The following COL5A1 variants were observed in gnomAD, a reference collection of about 807,000 sequenced individuals.
COL5A1 encodes collagen type V alpha 1 chain, also known as collagen alpha-1(V) chain.
COL5A1 carries 16 observed loss-of-function variants against 263.7 expected under a neutral mutation model. The ratio of observed to expected loss-of-function variants is 0.06; its 90% confidence interval spans 0.04 to 0.09. COL5A1 has a LOEUF of 0.09. COL5A1 is among the 10% of genes least tolerant of loss of function. The probability of loss-of-function intolerance (pLI) is 1.00; values close to 1 mark genes in which losing one functional copy is unlikely to be tolerated. For synonymous variants in COL5A1, 1,012 were observed against 1,004.5 expected, an observed-to-expected ratio of 1.01 and a Z score of -0.14; for missense variants, 2,036 against 2,540.5, an observed-to-expected ratio of 0.80 and a Z score of 4.27.
intron 63 of COL5A1, among the ~76,000 whole-genome samples, chr9:134,826,930 C>G (rs1020443292): frequency 1.3e-5 from 2 of 152,140 alleles, no homozygotes; most frequent in Non-Finnish European, 2.9e-5. Context: ...TGCTATCCCT[C>G]AAGCATGCAC....
chr9:134,736,533 C>T (rs1168160974), intron 9 of COL5A1, among the ~76,000 whole-genome samples: 1 of 152,230 alleles, frequency 6.6e-6, no homozygotes, highest in African/African-American at 2.4e-5. Flanking sequence ...AACACGGTTG[C>T]ATTGAGGATT....
chr9:134,802,120 G>A (rs1838137069), intron 38 of COL5A1, 113 bp downstream of exon 38: 1 of 1,060,238 alleles, frequency 9.4e-7, no homozygotes, highest in Non-Finnish European at 1.5e-6. Flanking sequence ...TGCAGGTACT[G>A]CTGAGAGGTT....
At position 134,765,152 on chromosome 9, in the gene COL5A1, A is replaced by G. The variant is rs1011732690; in HGVS notation, c.2035-529A>G. The stretch of plus-strand genomic sequence containing the variant: ...GCGTCCTGGAAAAGATCTGTACCCC[A>G]CGCCTCCTTCTGCACATTCAGTCTT... On this transcript the variant is annotated intron_variant, in intron 20 of 65. Transcript: ENST00000371817. This position sits in a 1 kb window ranked among gnomAD's most constrained non-coding sequence, Gnocchi z 5.1. Among the ~76,000 whole-genome samples, 3 of 152,098 alleles carry G rather than the reference A, an allele frequency of 2.0e-5. No individual in the cohort carries two copies. The highest frequency in any genetic ancestry group is 7.2e-5 in the African/African-American group (3 of 41,412).
chr9:134,816,530 G>A (rs945302584), intron 52 of COL5A1, among the ~76,000 whole-genome samples: 9 of 152,254 alleles, frequency 5.9e-5, no homozygotes, highest in Admixed American at 5.9e-4. Flanking sequence ...CACCCAGCCT[G>A]GCCAAGCGCG....
chr9:134,726,994 C>T (rs557008170), intron 4 of COL5A1, among the ~76,000 whole-genome samples: 3 of 126,892 alleles, frequency 2.4e-5, no homozygotes, highest in South Asian at 2.7e-4. Context: ...AATGGATGAA[C>T]GAATGAGTGG....
At chr9:134,759,471 A>C (rs1256419082) in intron 18 of COL5A1, among the ~76,000 whole-genome samples, 6 of 110,308 alleles carry the variant, frequency 5.4e-5, no homozygotes, top group African/African-American at 2.8e-4. Context: ...ATGCACGCAC[A>C]CACACCCACA....
intron 31 of COL5A1, among the ~76,000 whole-genome samples, chr9:134,788,028 A>G (rs747698739): frequency 1.3e-5 from 2 of 151,958 alleles, no homozygotes; most frequent in Admixed American, 6.6e-5. Context: ...CAGATGGATG[A>G]ATGGGTAGGT....
intron 1 of COL5A1, among the ~76,000 whole-genome samples, chr9:134,657,705 C>T (rs1303767591): frequency 6.6e-6 from 1 of 150,928 alleles, no homozygotes; most frequent in Non-Finnish European, 1.5e-5. Flanking sequence ...TATTCAGTTC[C>T]CAGGAGCTTC....
At chr9:134,816,978 T>A (rs1186852498) in intron 52 of COL5A1, 48 bp from the exon 53 acceptor site, 1 of 1,552,676 alleles carries the variant, frequency 6.4e-7, no homozygotes, top group South Asian at 1.1e-5. Flanking sequence ...CTCAATTGAG[T>A]CTAACGGGCC....
At chr9:134,796,257 T>C in intron 34 of COL5A1, 117 bp from the exon 35 acceptor site, 1 of 1,148,230 alleles carries the variant, frequency 8.7e-7, no homozygotes, top group Admixed American at 1.7e-5. Flanking sequence ...AGGGCCACCT[T>C]CAGGGGTGCA....
chr9:134,650,385 A>C (rs573768141), intron 1 of COL5A1, among the ~76,000 whole-genome samples: 1 of 152,186 alleles, frequency 6.6e-6, no homozygotes, highest in East Asian at 1.9e-4. Flanking sequence ...GTACAGAGGG[A>C]ACAGATGGGG....
At chr9:134,730,903 G>A (rs376850026) in intron 7 of COL5A1, among the ~76,000 whole-genome samples, 1 of 152,336 alleles carries the variant, frequency 6.6e-6, no homozygotes, top group African/African-American at 2.4e-5. Context: ...AGCTGGGGCC[G>A]CCCTGGCTGG....
rs966632671 is a variant in COL5A1, at chr9:134,652,183, C to A, written c.109+9887C>A. ...GCTTTCTAGGTAATTATTATTCATG[C>A]TATTTAGGGTCATAGGTCTCAGTAA... is the stretch of plus-strand genomic sequence containing the variant. On this transcript the variant is annotated intron_variant, in intron 1 of 65. Transcript: ENST00000371817. This position sits in a 1 kb window ranked among gnomAD's most constrained non-coding sequence, Gnocchi z 4.4. 1.3e-5 allele frequency among the ~76,000 whole-genome samples: 2 copies of A among 152,140 alleles called. No individual in the cohort carries two copies. The highest frequency in any genetic ancestry group is 4.8e-5 in the African/African-American group (2 of 41,426).
intron 62 of COL5A1, 143 bp downstream of exon 62, chr9:134,824,998 G>A (rs1012372495): frequency 8.4e-6 from 10 of 1,193,726 alleles, no homozygotes; most frequent in Admixed American, 2.7e-5. Flanking sequence ...TGGGGCCGGG[G>A]TGCGCAAGAG....
chr9:134,842,532 C>T lies in COL5A1; in HGVS notation c.*229C>T. ...CTGAATCACATGACCTAGCTGCACC[C>T]CAGCGCCTGGGCCCGCCCCACGCTC... On this transcript the variant is annotated 3_prime_UTR_variant, in exon 66 of 66. Coordinates refer to ENST00000371817, the MANE Select transcript of COL5A1 (RefSeq NM_000093.5). This position sits in a 1 kb window ranked among gnomAD's most constrained non-coding sequence, Gnocchi z 5.8. 1 of 613,808 alleles carries T rather than the reference C, an allele frequency of 1.6e-6. No individual in the cohort carries two copies. Among genetic ancestry groups the T allele is most frequent in the Non-Finnish European group, 2.9e-6 (1 of 347,342 alleles). The allele number at this position is 613,808 out of a possible 1,614,324, so 38.0% of individuals were successfully genotyped here.
chr9:134,789,214 G>A lies in COL5A1; in HGVS notation c.2700+6G>A. On this transcript the variant is annotated splice_donor_region_variant and intron_variant, in intron 32 of 65. Coordinates refer to ENST00000371817, the MANE Select transcript of COL5A1 (RefSeq NM_000093.5). The surrounding 1 kb of genome is among the most constrained non-coding windows in gnomAD (Gnocchi z 4.8). Reference sequence around the variant, plus strand: ...ATGGAGAGAAGGGCGGCAGGGTAAGGATAGCCTGGCCCCTGGGCAGGCAGC... The same window carrying A: ...ATGGAGAGAAGGGCGGCAGGGTAAGAATAGCCTGGCCCCTGGGCAGGCAGC... The A allele has an allele frequency of 1.2e-6, 2 of 1,612,334 alleles. No individual in the cohort carries two copies. The highest frequency in any genetic ancestry group is 2.2e-5 in the East Asian group (1 of 44,874).
At chr9:134,709,957 G>C (rs1420782270) in intron 4 of COL5A1, among the ~76,000 whole-genome samples, 1 of 152,176 alleles carries the variant, frequency 6.6e-6, no homozygotes, top group East Asian at 1.9e-4. Flanking sequence ...CCAGTGGCTG[G>C]GGGAGCCGCC....
Position 134,703,673 on chromosome 9 carries a change from C to T in COL5A1, c.654+2340C>T, listed in dbSNP as rs373462963. On this transcript the variant is annotated intron_variant, in intron 4 of 65. Coordinates refer to ENST00000371817, the MANE Select transcript of COL5A1 (RefSeq NM_000093.5). ...TTTTTTTTGAGACGGAGTCTCGCTCCGTCGCCCAGGCTGGAGTGCAGTGGC... is the reference window on the plus strand; with the variant it reads ...TTTTTTTTGAGACGGAGTCTCGCTCTGTCGCCCAGGCTGGAGTGCAGTGGC... Among the ~76,000 whole-genome samples, 219 of 139,608 alleles carry T rather than the reference C, an allele frequency of 1.6e-3. No homozygotes were observed. The Middle Eastern group carries it at 0.027, about 17-fold the overall frequency. The allele number at this position is 139,608 out of a possible 152,430, so 91.6% of individuals were successfully genotyped here. A position where few individuals can be genotyped will look rare whatever the true frequency, so the allele number is the denominator to read the frequency against.
intron 1 of COL5A1, among the ~76,000 whole-genome samples, chr9:134,645,360 A>G (rs1250383236): frequency 2.0e-5 from 3 of 151,928 alleles, no homozygotes; most frequent in Non-Finnish European, 4.4e-5. Flanking sequence ...GGACCGCCCC[A>G]TCCCACCTCC....
Sources: allele counts gnomAD v4.1 joint callset (sites outside exome capture counted in the v4.1 genomes callset), GRCh38; gene constraint gnomAD v4.1.1; non-coding constraint Gnocchi (gnomAD v3.1); transcripts MANE v1.5; gene names NCBI Gene and HGNC (gene_info 2026-07-23, HGNC 2026-07-21).